Variants in DNAI7 observed in about 807,000 individuals in gnomAD.
DNAI7 encodes dynein axonemal intermediate chain 7.
DNAI7 carries 78 observed loss-of-function variants against 86.6 expected under a neutral mutation model. The observed-to-expected ratio is 0.90, with a 90% CI of 0.75 to 1.09. The LOEUF is 1.09. Among genes scored for constraint, DNAI7 ranks in the 50% least tolerant of loss-of-function variants. The probability of loss-of-function intolerance (pLI) is 0.00; values close to 1 mark genes in which losing one functional copy is unlikely to be tolerated. For synonymous variants in DNAI7, 274 were observed against 273.0 expected, an observed-to-expected ratio of 1.00 and a Z score of -0.04; for missense variants, 753 against 810.2, an observed-to-expected ratio of 0.93 and a Z score of 0.86.
intron 9 of DNAI7, among the ~76,000 whole-genome samples, chr12:25,130,476 G>T (rs1383396967): frequency 6.6e-6 from 1 of 151,334 alleles, no homozygotes; most frequent in Non-Finnish European, 1.5e-5. Flanking sequence ...GGCAGAGCTT[G>T]CAGTGAGCCG....
At chr12:25,191,184 G>A (rs1465079505) in intron 1 of DNAI7, among the ~76,000 whole-genome samples, 2 of 152,086 alleles carry the variant, frequency 1.3e-5, no homozygotes, top group South Asian at 2.1e-4. Context: ...AGGCCAAGGC[G>A]GGAGGATCAC....
rs1949702752 is a variant in DNAI7, at chr12:25,110,260, T to C, written c.1780-20A>G. The C allele has an allele frequency of 2.9e-6, 4 of 1,384,018 alleles. No individual in the cohort carries two copies. Among genetic ancestry groups the C allele is most frequent in the Non-Finnish European group, 4.1e-6 (4 of 972,722 alleles). The allele number at this position is 1,384,018 out of a possible 1,614,324, so 85.7% of individuals were successfully genotyped here. ...AGGAACCTGTCAATATAAAAACAAA[T>C]AGAATTGATCTTTGAGCCTCCCAAC... is the stretch of plus-strand genomic sequence containing the variant. On this transcript the variant is annotated intron_variant, in intron 14 of 15. Coordinates refer to ENST00000395987, the MANE Select transcript of DNAI7 (RefSeq NM_018272.5).
chr12:25,190,169 T>A (rs973049438), intron 2 of DNAI7, among the ~76,000 whole-genome samples: 1 of 152,154 alleles, frequency 6.6e-6, no homozygotes, highest in Non-Finnish European at 1.5e-5. Context: ...TGAACTCAAA[T>A]TTCTAAACAG....
intron 2 of DNAI7, among the ~76,000 whole-genome samples, chr12:25,165,128 G>C (rs1446720382): frequency 6.6e-6 from 1 of 152,070 alleles, no homozygotes; most frequent in East Asian, 1.9e-4. Context: ...AAGGTCAAAA[G>C]GCCGTCTTAC....
chr12:25,191,609 C>G (rs1950526872), intron 1 of DNAI7, among the ~76,000 whole-genome samples: 1 of 152,120 alleles, frequency 6.6e-6, no homozygotes, highest in African/African-American at 2.4e-5. Flanking sequence ...GAGGCTGAGG[C>G]AGGAGAGTCG....
intron 1 of DNAI7, among the ~76,000 whole-genome samples, chr12:25,193,721 A>G (rs1439256097): frequency 6.6e-6 from 1 of 152,220 alleles, no homozygotes; most frequent in Non-Finnish European, 1.5e-5. Context: ...ATTGGAAGGT[A>G]ACAAGTAAGT....
chr12:25,127,047 C>T (rs750034190), intron 9 of DNAI7, among the ~76,000 whole-genome samples: 25 of 152,106 alleles, frequency 1.6e-4, no homozygotes, highest in Admixed American at 1.5e-3. Context: ...TAACACATTG[C>T]CTTTACATAA....
chr12:25,164,727 G>T (rs992998793), intron 2 of DNAI7, among the ~76,000 whole-genome samples: 1 of 151,612 alleles, frequency 6.6e-6, no homozygotes, highest in East Asian at 1.9e-4. Context: ...TTTCCCTCCC[G>T]CCTGTCCCCT....
chr12:25,110,152 C>A lies in DNAI7; in HGVS notation c.1868G>T (p.Cys623Phe), dbSNP rs1488157654. The A allele has an allele frequency of 6.2e-7, 1 of 1,603,178 alleles. No homozygotes were observed. The highest frequency in any genetic ancestry group is 8.5e-7 in the Non-Finnish European group (1 of 1,170,114). The change falls in exon 15 of 16, where the codon TGT becomes TTT. Residue 623 changes from cysteine (C) to phenylalanine (F), a missense_variant. Physicochemically the swap from Cys to Phe is radical, Grantham distance 205. Coordinates refer to ENST00000395987, the MANE Select transcript of DNAI7 (RefSeq NM_018272.5). Reference sequence around the variant, plus strand: ...CTTAAATACGACTTTTGTAGAATTACATAGTAGGTTCCACTTGCTCCAACC... The same window carrying A: ...CTTAAATACGACTTTTGTAGAATTAAATAGTAGGTTCCACTTGCTCCAACC... ...AFGWSKWNLL[C>F]NSTKVVFKVR...
At chr12:25,117,209 C>G (rs1165104345) in intron 12 of DNAI7, among the ~76,000 whole-genome samples, 1 of 152,180 alleles carries the variant, frequency 6.6e-6, no homozygotes, top group African/African-American at 2.4e-5. Flanking sequence ...GCTGGGATTA[C>G]AGGCATGAGC....
chr12:25,134,539 T>C lies in DNAI7; in HGVS notation c.1002+9826A>G, dbSNP rs953377246. 2.0e-5 allele frequency among the ~76,000 whole-genome samples: 3 copies of C among 151,972 alleles called. No homozygotes were observed. In the East Asian group the frequency reaches 5.8e-4, roughly 29 times the overall value. The stretch of plus-strand genomic sequence containing the variant: ...GCCCAGCTAATTTTTGTATTTTTAA[T>C]AGAGACAGGGTTTCACCATGTTGGC... On this transcript the variant is annotated intron_variant, in intron 9 of 15. Coordinates refer to ENST00000395987, the MANE Select transcript of DNAI7 (RefSeq NM_018272.5).
chr12:25,149,729 C>T lies in DNAI7; in HGVS notation c.484G>A (p.Asp162Asn). The T allele has an allele frequency of 6.4e-7, 1 of 1,556,670 alleles. No homozygotes were observed. The highest frequency in any genetic ancestry group is 8.8e-7 in the Non-Finnish European group (1 of 1,130,238). The change falls in exon 7 of 16, where the codon GAT becomes AAT. Residue 162 changes from aspartate to asparagine, a missense_variant. Asp to Asn is a conservative substitution (Grantham distance 23, BLOSUM62 1). Transcript: ENST00000395987. ...TGTATTATATTTTTATCTTGCAAAT[C>T]ACATGGTGGAGTTTCCAGTAAAATA... ...KFILLETPPC[D>N]LQDKNIIQYQ...
intron 2 of DNAI7, among the ~76,000 whole-genome samples, chr12:25,176,367 T>G (rs1451593567): frequency 6.6e-6 from 1 of 152,068 alleles, no homozygotes; most frequent in Non-Finnish European, 1.5e-5. Context: ...TTAATCTTAT[T>G]TTCAGTACAC....
intron 1 of DNAI7, among the ~76,000 whole-genome samples, chr12:25,193,849 T>C (rs1357695272): frequency 6.7e-6 from 1 of 149,382 alleles, no homozygotes; most frequent in East Asian, 2.0e-4. Context: ...TGAGACGGAG[T>C]CTCGCTCTGT....
At position 25,123,562 on chromosome 12, in the gene DNAI7, C is replaced by G. The variant is rs561679421; in HGVS notation, c.1003-276G>C. On this transcript the variant is annotated intron_variant, in intron 9 of 15. Transcript: ENST00000395987. ...AAAAGATGGAGATTAGGAAGCAATGCAAGCTATAAAAAATATTATTTATAT... is the reference window on the plus strand; with the variant it reads ...AAAAGATGGAGATTAGGAAGCAATGGAAGCTATAAAAAATATTATTTATAT... Among the ~76,000 whole-genome samples, 34 of 152,316 alleles carry G rather than the reference C, an allele frequency of 2.2e-4. 1 individual carries two copies. The highest frequency in any genetic ancestry group is 7.7e-4 in the African/African-American group (32 of 41,570).
intron 2 of DNAI7, among the ~76,000 whole-genome samples, chr12:25,183,385 T>A (rs556167931): frequency 1.3e-5 from 2 of 152,058 alleles, no homozygotes; most frequent in East Asian, 3.9e-4. Context: ...ATGCTGGGAT[T>A]TGGGCTTCTG....
At chr12:25,190,685 A>T (rs562720207) in intron 1 of DNAI7, 54 bp from the exon 2 acceptor site, 1 of 1,043,832 alleles carries the variant, frequency 9.6e-7, no homozygotes, top group African/African-American at 1.6e-5. Context: ...TTCTGATACA[A>T]AAGTATCATG....
At chr12:25,147,249 C>T in intron 7 of DNAI7, 145 bp from the exon 8 acceptor site, 1 of 542,648 alleles carries the variant, frequency 1.8e-6, no homozygotes, top group Non-Finnish European at 3.2e-6. Flanking sequence ...GTTCAATCAA[C>T]ATGACAAAGA....
In DNAI7 at chr12:25,193,931, CTT is replaced by C. The variant is rs541641923; in HGVS notation, c.3+1143_3+1144del. Reference sequence around the variant, plus strand: ...CCGCCTCCCAGGTTCAAGCGATTCTCTTGCTTCAGCCCCCTGAGTAGCTGGAA... The same window carrying C: ...CCGCCTCCCAGGTTCAAGCGATTCTCGCTTCAGCCCCCTGAGTAGCTGGAA... On this transcript the variant is annotated intron_variant, in intron 1 of 15. Transcript: ENST00000395987. 1.4e-4 allele frequency among the ~76,000 whole-genome samples: 22 copies of C among 152,086 alleles called. No homozygotes were observed. In the South Asian group the frequency reaches 4.1e-3, roughly 29 times the overall value.
Sources: allele counts gnomAD v4.1 joint callset (sites outside exome capture counted in the v4.1 genomes callset), GRCh38; gene constraint gnomAD v4.1.1; transcripts MANE v1.5; gene names NCBI Gene and HGNC (gene_info 2026-07-23, HGNC 2026-07-21).